The following BICD2 variants were observed in gnomAD, a reference collection of about 807,000 sequenced individuals.
The protein encoded by BICD2 is protein bicaudal D homolog 2.
Under a neutral mutation model 72.9 loss-of-function variants are expected in BICD2, and 25 were observed. The observed-to-expected ratio is 0.34, with a 90% CI of 0.25 to 0.48. The LOEUF is 0.48. Ranked by LOEUF, BICD2 falls within the 20% of genes least tolerant of loss-of-function variation. The pLI, the probability that BICD2 is intolerant of heterozygous loss-of-function variation, is 0.99. For missense variants in BICD2, 894 were observed against 1,175.2 expected, an observed-to-expected ratio of 0.76 and a Z score of 3.50; for synonymous variants, 501 against 516.1, an observed-to-expected ratio of 0.97 and a Z score of 0.40.
intron 2 of BICD2, among the ~76,000 whole-genome samples, chr9:92,726,605 C>T (rs892907878): frequency 6.6e-6 from 1 of 152,110 alleles, no homozygotes; most frequent in Non-Finnish European, 1.5e-5. Flanking sequence ...CCTAGAGATG[C>T]TCCACCCGAA....
rs147984965 is a variant in BICD2, at chr9:92,715,327, G to A, written c.2395C>T (p.Leu799Phe). 2 of 1,612,958 alleles carry A rather than the reference G, an allele frequency of 1.2e-6. No individual in the cohort carries two copies. The highest frequency in any genetic ancestry group is 1.7e-6 in the Non-Finnish European group (2 of 1,179,878). ...CGGGTCTGCTCATGGTCCAGCTCGAGCAGCTCCAGCCGCTGGGTCAGCGCC... is the reference window on the plus strand; with the variant it reads ...CGGGTCTGCTCATGGTCCAGCTCGAACAGCTCCAGCCGCTGGGTCAGCGCC... ...KLALTQRLELLELDHEQTRRG... is the reference protein window; with the variant it reads ...KLALTQRLELFELDHEQTRRG... Residue 799 changes from leucine (L) to phenylalanine (F), a missense_variant, in exon 7 of 7, where the codon CTC (leucine) becomes TTC (phenylalanine). By Grantham distance (22) the Leu-to-Phe change is conservative (BLOSUM62 0). Around this residue, in one of 5 missense-constraint regions of BICD2, gnomAD observed 321 missense variants for 443.9 expected, o/e 0.72. Coordinates refer to ENST00000356884, the MANE Select transcript of BICD2 (RefSeq NM_001003800.2).
intron 5 of BICD2, among the ~76,000 whole-genome samples, chr9:92,718,186 A>C (rs1853362592): frequency 6.6e-6 from 1 of 152,076 alleles, no homozygotes; most frequent in Admixed American, 6.5e-5. Flanking sequence ...TGCCAACAGG[A>C]CCTCCACGAA....
At chr9:92,758,534 A>G (rs1854308878) in intron 1 of BICD2, among the ~76,000 whole-genome samples, 1 of 135,336 alleles carries the variant, frequency 7.4e-6, no homozygotes, top group Non-Finnish European at 1.6e-5. Flanking sequence ...CCTGGGCAAC[A>G]TAACAAGACT....
chr9:92,723,791 T>C (rs532102029), intron 2 of BICD2, among the ~76,000 whole-genome samples: 1 of 152,248 alleles, frequency 6.6e-6, no homozygotes, highest in South Asian at 2.1e-4. Flanking sequence ...TAGTGCAGGG[T>C]TGGGGCAAAC....
At chr9:92,752,515 C>T (rs1417632892) in intron 1 of BICD2, among the ~76,000 whole-genome samples, 1 of 152,168 alleles carries the variant, frequency 6.6e-6, no homozygotes, top group Non-Finnish European at 1.5e-5. Context: ...TGCCTGGAAT[C>T]CCAGCACTTT....
At chr9:92,742,978 G>T (rs1272733662) in intron 1 of BICD2, among the ~76,000 whole-genome samples, 1 of 152,156 alleles carries the variant, frequency 6.6e-6, no homozygotes, top group East Asian at 1.9e-4. Flanking sequence ...CACTTGGGTT[G>T]TTTCCACTTT....
At chr9:92,740,710 A>T (rs1167001034) in intron 1 of BICD2, among the ~76,000 whole-genome samples, 3 of 152,152 alleles carry the variant, frequency 2.0e-5, no homozygotes, top group Non-Finnish European at 4.4e-5. Context: ...ATGTTTGTGT[A>T]TTTTTTTAAC....
In BICD2 at chr9:92,713,539, C is replaced by T. The variant is rs553200550; in HGVS notation, c.*1615G>A. On this transcript the variant is annotated 3_prime_UTR_variant, in exon 7 of 7. Coordinates refer to ENST00000356884, the MANE Select transcript of BICD2 (RefSeq NM_001003800.2). ...TTTATCTGACAATTGAAGCTCTCCA[C>T]GTGCTGGGAGGGCGCGAGCACGTTA... 1.9e-5 allele frequency: 29 copies of T among 1,555,434 alleles called. No homozygotes were observed. Among genetic ancestry groups the T allele is most frequent in the East Asian group, 1.2e-4 (5 of 41,770 alleles).
chr9:92,722,553 A>C, intron 3 of BICD2, 103 bp downstream of exon 3: 1 of 1,495,100 alleles, frequency 6.7e-7, no homozygotes. Flanking sequence ...GGTGTGTGGA[A>C]TAAGACAGGA....
At position 92,722,636 on chromosome 9, in the gene BICD2, C is replaced by G. The variant is rs1853486358; in HGVS notation, c.606+20G>C. ...CAGTTAACCCACGTGCCACCTCCACCCCACAGGCCCAAGACTCACCTGGTT... is the reference window on the plus strand; with the variant it reads ...CAGTTAACCCACGTGCCACCTCCACGCCACAGGCCCAAGACTCACCTGGTT... On this transcript the variant is annotated intron_variant, in intron 3 of 6. Transcript: ENST00000356884. 6.2e-7 allele frequency: 1 copy of G among 1,613,670 alleles called. No homozygotes were observed. Among genetic ancestry groups the G allele is most frequent in the South Asian group, 1.1e-5 (1 of 91,060 alleles).
At chr9:92,737,570 G>C (rs1415276386) in intron 1 of BICD2, among the ~76,000 whole-genome samples, 1 of 152,168 alleles carries the variant, frequency 6.6e-6, no homozygotes, top group African/African-American at 2.4e-5. Context: ...ACCCCAAATA[G>C]AGGCTGAGAT....
intron 1 of BICD2, among the ~76,000 whole-genome samples, chr9:92,758,429 G>GT (rs1854306895): frequency 6.7e-6 from 1 of 149,404 alleles, no homozygotes; most frequent in Non-Finnish European, 1.5e-5. Flanking sequence ...GCGCGCACCT[G>GT]TAATCCCAGC....
rs998013855 is a variant in BICD2, at chr9:92,713,834, C to T, written c.*1320G>A. 6.4e-6 allele frequency: 7 copies of T among 1,086,138 alleles called. No individual in the cohort carries two copies. The highest frequency in any genetic ancestry group is 4.5e-5 in the Admixed American group (1 of 22,018). 67.3% of individuals were successfully genotyped at this position (1,086,138 alleles called of 1,614,324 possible). A position where few individuals can be genotyped will look rare whatever the true frequency, so the allele number is the denominator to read the frequency against. ...ACATACTCGGCACCAAAGGGAAGAA[C>T]GCGCAGGGCAGAGAGCTGTGGGAGG... On this transcript the variant is annotated 3_prime_UTR_variant, in exon 7 of 7. Coordinates refer to ENST00000356884, the MANE Select transcript of BICD2 (RefSeq NM_001003800.2).
chr9:92,720,608 C>T lies in BICD2; in HGVS notation c.754G>A (p.Glu252Lys), dbSNP rs776953074. The change falls in exon 4 of 7, where the codon GAA (glutamate) becomes AAA (lysine). Residue 252 changes from glutamate to lysine, a missense_variant. Glu to Lys is a moderately conservative substitution (Grantham distance 56). Around this residue, in one of 5 missense-constraint regions of BICD2, gnomAD observed 371 missense variants for 439.1 expected, o/e 0.84. Coordinates refer to ENST00000356884, the MANE Select transcript of BICD2 (RefSeq NM_001003800.2). This position sits in a 1 kb window ranked among gnomAD's most constrained non-coding sequence, Gnocchi z 5.4. ...TCCTTGCGCAGGCTGTTCTTCTGTT[C>T]GCGCTCCGTCTTCAGGGTCTCCAGC... is the stretch of plus-strand genomic sequence containing the variant. ...EALETLKTEREQKNSLRKELS... is the reference protein window; with the variant it reads ...EALETLKTERKQKNSLRKELS... 6 of 1,614,160 alleles carry T rather than the reference C, an allele frequency of 3.7e-6. No homozygotes were observed. Among genetic ancestry groups the T allele is most frequent in the South Asian group, 2.2e-5 (2 of 91,076 alleles).
intron 1 of BICD2, among the ~76,000 whole-genome samples, chr9:92,751,130 GT>G (rs367971149): frequency 6.8e-6 from 1 of 147,956 alleles, no homozygotes; most frequent in African/African-American, 2.5e-5. Flanking sequence ...AGGGTGGTTG[GT>G]TTTTTGTTGT....
Position 92,719,261 on chromosome 9 carries a change from C to T in BICD2, c.1384G>A (p.Ala462Thr). 1 of 1,613,510 alleles carries T rather than the reference C, an allele frequency of 6.2e-7. No individual in the cohort carries two copies. The highest frequency in any genetic ancestry group is 8.5e-7 in the Non-Finnish European group (1 of 1,180,010). ...TCCTCGGCGTGCTGGGCCTCACGAG[C>T]CTCGTGCGTGCTGCGCAGTGCCTTG... Reference protein sequence around the residue: ...QLKALRSTHEAREAQHAEEKG... With the variant: ...QLKALRSTHETREAQHAEEKG... Residue 462 changes from alanine to threonine, a missense_variant, in exon 5 of 7, where the codon GCT becomes ACT. Ala to Thr is a moderately conservative substitution (Grantham distance 58). Transcript: ENST00000356884.
chr9:92,762,337 G>A (rs80052006), intron 1 of BICD2, among the ~76,000 whole-genome samples: 1 of 152,128 alleles, frequency 6.6e-6, no homozygotes, highest in Non-Finnish European at 1.5e-5. Flanking sequence ...CACGCATGCT[G>A]TTGATGGGGG....
intron 1 of BICD2, among the ~76,000 whole-genome samples, chr9:92,759,192 C>A (rs969018677): frequency 1.3e-5 from 2 of 152,138 alleles, no homozygotes; most frequent in African/African-American, 4.8e-5. Context: ...TAGCAACAAA[C>A]TAACTTTAAC....
intron 1 of BICD2, among the ~76,000 whole-genome samples, chr9:92,751,399 C>A (rs774252216): frequency 6.6e-6 from 1 of 152,098 alleles, no homozygotes; most frequent in Admixed American, 6.6e-5. Flanking sequence ...CCTCCTTGGC[C>A]TCCCAAAGTG....
Sources: allele counts gnomAD v4.1 joint callset (sites outside exome capture counted in the v4.1 genomes callset), GRCh38; gene constraint gnomAD v4.1.1; regional missense constraint gnomAD v4.1.1; non-coding constraint Gnocchi (gnomAD v3.1); transcripts MANE v1.5; gene names NCBI Gene and HGNC (gene_info 2026-07-23, HGNC 2026-07-21).